Variants in COMMD1 observed in about 807,000 individuals in gnomAD.
COMMD1 encodes the protein COMM domain-containing protein 1.
COMMD1 carries 10 observed loss-of-function variants against 17.2 expected under a neutral mutation model. The observed-to-expected ratio is 0.58, with a 90% CI of 0.36 to 0.99. The LOEUF (loss-of-function observed/expected upper bound fraction) is 0.99. Ranked by LOEUF, COMMD1 falls within the 50% of genes least tolerant of loss-of-function variation. The pLI is 0.01. For missense variants in COMMD1, 270 were observed against 231.8 expected, an observed-to-expected ratio of 1.17 and a Z score of -1.07; for synonymous variants, 97 against 91.6, an observed-to-expected ratio of 1.06 and a Z score of -0.34.
intron 1 of COMMD1, among the ~76,000 whole-genome samples, chr2:61,928,050 C>G (rs570012361): frequency 2.0e-5 from 3 of 152,040 alleles, no homozygotes; most frequent in African/African-American, 7.2e-5. Flanking sequence ...CAGGTGTTAG[C>G]CACTGTGCCT....
chr2:62,062,489 A>G (rs146660329), intron 2 of COMMD1, among the ~76,000 whole-genome samples: 2 of 152,050 alleles, frequency 1.3e-5, no homozygotes, highest in East Asian at 3.9e-4. Context: ...CGGCCTCCCA[A>G]AGTGCTGGGA....
At chr2:61,958,625 A>C (rs1395875686) in intron 1 of COMMD1, among the ~76,000 whole-genome samples, 1 of 152,164 alleles carries the variant, frequency 6.6e-6, no homozygotes, top group Non-Finnish European at 1.5e-5. Context: ...TGATTTTTGT[A>C]CTCACATGTA....
chr2:62,082,140 C>T (rs1486363291), intron 2 of COMMD1, among the ~76,000 whole-genome samples: 1 of 152,124 alleles, frequency 6.6e-6, no homozygotes, highest in Non-Finnish European at 1.5e-5. Context: ...CCTCTCTCAC[C>T]TGAAAAGTGA....
At chr2:61,940,169 G>T (rs1670705838) in intron 1 of COMMD1, among the ~76,000 whole-genome samples, 1 of 152,160 alleles carries the variant, frequency 6.6e-6, no homozygotes, top group African/African-American at 2.4e-5. Flanking sequence ...TGGAGGATTT[G>T]TCCCATCTAG....
intron 2 of COMMD1, among the ~76,000 whole-genome samples, chr2:62,028,797 T>C (rs1254505497): frequency 6.6e-6 from 1 of 152,210 alleles, no homozygotes; most frequent in Non-Finnish European, 1.5e-5. Context: ...TTGTTCTAAA[T>C]GTATGAACAC....
chr2:62,061,511 T>C (rs1670854207), intron 2 of COMMD1, among the ~76,000 whole-genome samples: 1 of 152,076 alleles, frequency 6.6e-6, no homozygotes, highest in Non-Finnish European at 1.5e-5. Context: ...GTAGAGTTTA[T>C]ATGCAGAGTG....
At chr2:62,116,991 C>T (rs1247018136) in intron 2 of COMMD1, among the ~76,000 whole-genome samples, 3 of 130,704 alleles carry the variant, frequency 2.3e-5, no homozygotes, top group East Asian at 4.2e-4. Flanking sequence ...GCGAAAACTT[C>T]GTCTCAAAAA....
intron 1 of COMMD1, among the ~76,000 whole-genome samples, chr2:61,982,644 T>G (rs1671986299): frequency 6.6e-6 from 1 of 152,222 alleles, no homozygotes; most frequent in African/African-American, 2.4e-5. Flanking sequence ...TTTATTATAG[T>G]GAGGTATGTT....
At chr2:61,953,931 C>T (rs1344562547) in intron 1 of COMMD1, among the ~76,000 whole-genome samples, 1 of 151,982 alleles carries the variant, frequency 6.6e-6, no homozygotes, top group African/African-American at 2.4e-5. Context: ...TTTAAAGAGT[C>T]TATTCAGGCC....
intron 2 of COMMD1, among the ~76,000 whole-genome samples, chr2:62,099,574 T>TC (rs891077457): frequency 1.4e-4 from 20 of 141,808 alleles, no homozygotes; most frequent in Non-Finnish European, 2.5e-4. Context: ...TATCTCTCTC[T>TC]TTTTTTTTTT....
At chr2:61,913,244 G>A (rs909846145) in intron 1 of COMMD1, among the ~76,000 whole-genome samples, 17 of 151,288 alleles carry the variant, frequency 1.1e-4, no homozygotes, top group Non-Finnish European at 1.9e-4. Context: ...GTGTGCACCT[G>A]TAGTCCCAGC....
intron 1 of COMMD1, among the ~76,000 whole-genome samples, chr2:61,948,005 T>C (rs990546634): frequency 2.1e-4 from 32 of 152,102 alleles, no homozygotes; most frequent in Admixed American, 2.1e-3. Context: ...AAATAAAATA[T>C]GTAAATATAA....
intron 2 of COMMD1, among the ~76,000 whole-genome samples, chr2:62,134,152 C>T (rs1267632272): frequency 6.7e-6 from 1 of 150,054 alleles, no homozygotes; most frequent in East Asian, 1.9e-4. Flanking sequence ...ATAAGGGAAA[C>T]TCCAAGACTT....
rs1461279633 is a variant in COMMD1, at chr2:61,992,781, T to A, written c.181-7920T>A. On this transcript the variant is annotated intron_variant, in intron 1 of 2. Coordinates refer to ENST00000311832, the MANE Select transcript of COMMD1 (RefSeq NM_152516.4). ...ACTACCTGGTTGAGAACCACTGTTT[T>A]GGTTTATCAGTTTTCAAATTTTTAT... Among the ~76,000 whole-genome samples the A allele has an allele frequency of 2.0e-5, 3 of 152,326 alleles. No individual in the cohort carries two copies. The South Asian group carries it at 6.2e-4, about 32-fold the overall frequency.
At chr2:62,063,970 C>T (rs2103946380) in intron 2 of COMMD1, among the ~76,000 whole-genome samples, 1 of 145,324 alleles carries the variant, frequency 6.9e-6, no homozygotes, top group South Asian at 2.2e-4. Context: ...TCATTTGAAC[C>T]TGGGAGGTTG....
chr2:62,053,509 A>G (rs957507659), intron 2 of COMMD1, among the ~76,000 whole-genome samples: 1 of 152,182 alleles, frequency 6.6e-6, no homozygotes, highest in Non-Finnish European at 1.5e-5. Context: ...TAAGGTTAGA[A>G]CTGTAAGAAA....
chr2:62,049,203 A>G (rs1416101704), intron 2 of COMMD1, among the ~76,000 whole-genome samples: 1 of 81,318 alleles, frequency 1.2e-5, no homozygotes, highest in Non-Finnish European at 2.9e-5. Flanking sequence ...ATTACCAGGA[A>G]AAAAAAAAAA....
At position 62,102,900 on chromosome 2, in the gene COMMD1, C is replaced by A. The variant is rs572385510; in HGVS notation, c.463-32931C>A. On this transcript the variant is annotated intron_variant, in intron 2 of 2. Coordinates refer to ENST00000311832, the MANE Select transcript of COMMD1 (RefSeq NM_152516.4). ...GAAGAGTTTAGACAGACAGGCCTTG[C>A]TGGGTTTCTCCACTTAGTCTATTAG... Among the ~76,000 whole-genome samples, 37 of 152,228 alleles carry A rather than the reference C, an allele frequency of 2.4e-4. 1 individual carries two copies. Among genetic ancestry groups the A allele is most frequent in the South Asian group, 2.1e-4 (1 of 4,814 alleles).
chr2:62,034,649 A>G (rs1573096732), intron 2 of COMMD1, among the ~76,000 whole-genome samples: 1 of 152,224 alleles, frequency 6.6e-6, no homozygotes, highest in East Asian at 1.9e-4. Context: ...TAATTGGGCC[A>G]TATCTACCTT....
Sources: gnomAD v4.1 joint callset for allele counts (sites outside exome capture counted in the v4.1 genomes callset) on GRCh38, gnomAD v4.1.1 for gene constraint, MANE v1.5 for transcripts, NCBI Gene and HGNC (gene_info 2026-07-23, HGNC 2026-07-21) for gene names.